Variants in TMEM59 observed in about 807,000 individuals in gnomAD.
TMEM59 encodes transmembrane protein 59.
A neutral mutation model predicts 42.2 loss-of-function variants in TMEM59; 44 were observed. The observed-to-expected ratio is 1.04, with a 90% CI of 0.82 to 1.34. The LOEUF (loss-of-function observed/expected upper bound fraction) is 1.34. TMEM59 is among the 40% of genes most tolerant of loss of function. The pLI is 0.00. For missense variants in TMEM59, 359 were observed against 382.8 expected, an observed-to-expected ratio of 0.94 and a Z score of 0.52; for synonymous variants, 148 against 145.8, an observed-to-expected ratio of 1.02 and a Z score of -0.11.
Position 54,031,613 on chromosome 1 carries a change from T to A in TMEM59, c.*537A>T, listed in dbSNP as rs1297018137. 1 of 152,644 alleles carries A rather than the reference T, an allele frequency of 6.6e-6. No individual in the cohort carries two copies. The highest frequency in any genetic ancestry group is 2.4e-5 in the African/African-American group (1 of 41,428). 9.5% of individuals were successfully genotyped at this position (152,644 alleles called of 1,614,324 possible). On this transcript the variant is annotated 3_prime_UTR_variant, in exon 8 of 8. Transcript: ENST00000234831. ...CACAGAACATTTCATAATTCTTATCTAGGTTGGGCAGGAATAGGAGGGAAG... is the reference window on the plus strand; with the variant it reads ...CACAGAACATTTCATAATTCTTATCAAGGTTGGGCAGGAATAGGAGGGAAG...
At chr1:54,046,914 T>G (rs1445688245) in intron 2 of TMEM59, among the ~76,000 whole-genome samples, 2 of 152,224 alleles carry the variant, frequency 1.3e-5, no homozygotes, top group Non-Finnish European at 2.9e-5. Context: ...AACTTGGAGA[T>G]AAGTCGATGA....
Position 54,028,598 on chromosome 1 carries a change from C to T in TMEM59, c.*3552G>A, listed in dbSNP as rs1271531657. 4 of 152,240 alleles carry T rather than the reference C, an allele frequency of 2.6e-5. No homozygotes were observed. The East Asian group carries it at 7.7e-4, about 29-fold the overall frequency. The allele number at this position is 152,240 out of a possible 1,614,324, so 9.4% of individuals were successfully genotyped here. On this transcript the variant is annotated 3_prime_UTR_variant, in exon 8 of 8. Coordinates refer to ENST00000234831, the MANE Select transcript of TMEM59 (RefSeq NM_004872.5). Reference sequence around the variant, plus strand: ...GTGCCTCACCCTCTGGCCTCTAGGTCTTTGAGCACAGTGTCCCCACTGTCT... The same window carrying T: ...GTGCCTCACCCTCTGGCCTCTAGGTTTTTGAGCACAGTGTCCCCACTGTCT...
rs771810939 is a variant in TMEM59 at position 54,040,737 on chromosome 1, A to G, written c.707+19T>C. On this transcript the variant is annotated intron_variant, in intron 6 of 7. Coordinates refer to ENST00000234831, the MANE Select transcript of TMEM59 (RefSeq NM_004872.5). ...GCCAGATTTTATCTGTTATACACAT[A>G]ATAAAGAGGAATACATACAGAGAGA... The G allele has an allele frequency of 3.8e-6, 6 of 1,583,716 alleles. No individual in the cohort carries two copies. The East Asian group carries it at 9.0e-5, about 24-fold the overall frequency.
At chr1:54,048,804 T>C (rs575178329) in intron 1 of TMEM59, 1 of 245,276 alleles carries the variant, frequency 4.1e-6, no homozygotes, top group Non-Finnish European at 9.1e-6. Context: ...CAAGAAGAGA[T>C]GCCTGCAGTC....
chr1:54,033,390 C>T (rs60113340), intron 7 of TMEM59: 5,680 of 151,838 alleles, frequency 0.037, 288 homozygotes, highest in East Asian at 0.22. Flanking sequence ...CACTTCAGGT[C>T]AGGAGCTCGA....
chr1:54,038,261 A>G (rs1000405568), intron 6 of TMEM59, among the ~76,000 whole-genome samples: 1 of 152,210 alleles, frequency 6.6e-6, no homozygotes, highest in East Asian at 1.9e-4. Flanking sequence ...TGAAAAAAAA[A>G]TTTTAAGTAA....
At chr1:54,049,706 C>G (rs888932576) in intron 1 of TMEM59, among the ~76,000 whole-genome samples, 13 of 152,160 alleles carry the variant, frequency 8.5e-5, no homozygotes, top group Non-Finnish European at 1.8e-4. Context: ...AGGCCAGGCA[C>G]CGTGGCTCAT....
chr1:54,047,851 C>T (rs951431245), intron 1 of TMEM59: 1 of 163,520 alleles, frequency 6.1e-6, no homozygotes, highest in Non-Finnish European at 1.3e-5. Flanking sequence ...CACTTGTTGT[C>T]CTAGTACTCA....
chr1:54,043,539 A>T lies in TMEM59; in HGVS notation c.391-14T>A. Reference sequence around the variant, plus strand: ...CAGGGACATAAGCTAAAAATAAAATAAATAATGAGAAATATATTATTTTTA... The same window carrying T: ...CAGGGACATAAGCTAAAAATAAAATTAATAATGAGAAATATATTATTTTTA... On this transcript the variant is annotated splice_polypyrimidine_tract_variant and intron_variant, in intron 3 of 7. Transcript: ENST00000234831. The T allele has an allele frequency of 1.4e-6, 2 of 1,419,032 alleles. No individual in the cohort carries two copies. Among genetic ancestry groups the T allele is most frequent in the South Asian group, 1.7e-5 (1 of 59,748 alleles). The allele number at this position is 1,419,032 out of a possible 1,614,324, so 87.9% of individuals were successfully genotyped here. A position where few individuals can be genotyped will look rare whatever the true frequency, so the allele number is the denominator to read the frequency against.
chr1:54,047,239 A>T, intron 2 of TMEM59, 28 bp downstream of exon 2: 1 of 1,559,836 alleles, frequency 6.4e-7, no homozygotes. Flanking sequence ...TGTTACATAC[A>T]GCTGATGTCG....
In TMEM59 at chr1:54,044,803, TTATAA is replaced by T. The variant is rs1418476517; in HGVS notation, c.390+884_390+888del. 6 of 151,976 alleles carry T rather than the reference TTATAA, an allele frequency of 3.9e-5. No homozygotes were observed. The East Asian group carries it at 7.7e-4, about 20-fold the overall frequency. 9.4% of individuals were successfully genotyped at this position (151,976 alleles called of 1,614,324 possible). On this transcript the variant is annotated intron_variant, in intron 3 of 7. Coordinates refer to ENST00000234831, the MANE Select transcript of TMEM59 (RefSeq NM_004872.5). Reference sequence around the variant, plus strand: ...CACAAATAAGGGACTGCCTAAAAAATTATAATATATCTACACAGAATATTATGTAG... The same window carrying T: ...CACAAATAAGGGACTGCCTAAAAAATTATATCTACACAGAATATTATGTAG...
intron 1 of TMEM59, 91 bp downstream of exon 1, chr1:54,052,909 A>G: frequency 7.0e-7 from 1 of 1,435,568 alleles, no homozygotes; most frequent in Non-Finnish European, 9.5e-7. Flanking sequence ...GGGCCGATTT[A>G]ACAGCCAGGT....
chr1:54,045,737 A>G lies in TMEM59; in HGVS notation c.345T>C (p.Leu115=). 1 of 1,614,154 alleles carries G rather than the reference A, an allele frequency of 6.2e-7. No homozygotes were observed. The highest frequency in any genetic ancestry group is 8.5e-7 in the Non-Finnish European group (1 of 1,180,014). Residue 115 remains leucine (L), a synonymous_variant, in exon 3 of 8, where the codon CTT becomes CTC. Coordinates refer to ENST00000234831, the MANE Select transcript of TMEM59 (RefSeq NM_004872.5). ...CGAATGGCAGCTGATTCTGGCAACC[A>G]AGATGGCAAGCATATTGCTCATCAG... The part of the protein sequence containing the change: ...SQSDEQYACH[L]GCQNQLPFAE...
intron 7 of TMEM59, among the ~76,000 whole-genome samples, chr1:54,032,510 C>T (rs1409993320): frequency 1.3e-5 from 2 of 152,236 alleles, no homozygotes; most frequent in African/African-American, 4.8e-5. Flanking sequence ...TTCCACGTCT[C>T]AAGTTAAAAT....
intron 1 of TMEM59, among the ~76,000 whole-genome samples, chr1:54,050,204 C>T (rs1657481767): frequency 1.3e-5 from 2 of 151,718 alleles, no homozygotes; most frequent in African/African-American, 2.4e-5. Context: ...TGGCTCACTG[C>T]AACCTCCACC....
chr1:54,043,710 A>T, intron 3 of TMEM59, 185 bp from the exon 4 acceptor site: 1 of 269,470 alleles, frequency 3.7e-6, no homozygotes, highest in Non-Finnish European at 6.3e-6. Flanking sequence ...AAGCTTAAAA[A>T]CCAAGGATAC....
At position 54,050,928 on chromosome 1, in the gene TMEM59, G is replaced by C. The variant is rs573513822; in HGVS notation, c.189+2072C>G. ...GACTGGCGTGCACTGGCGACATTTC[G>C]GCTCACTGCGACCTGCGCCTCCCAG... On this transcript the variant is annotated intron_variant, in intron 1 of 7. Coordinates refer to ENST00000234831, the MANE Select transcript of TMEM59 (RefSeq NM_004872.5). Among the ~76,000 whole-genome samples, 368 of 150,906 alleles carry C rather than the reference G, an allele frequency of 2.4e-3. 13 individuals are homozygous for C. The South Asian group carries it at 0.045, about 19-fold the overall frequency.
chr1:54,039,695 A>G (rs188306670), intron 6 of TMEM59, among the ~76,000 whole-genome samples: 6 of 152,384 alleles, frequency 3.9e-5, no homozygotes, highest in African/African-American at 4.8e-5. Context: ...ACAGTCCACT[A>G]GAATGAACAC....
rs965314348 is a variant in TMEM59 at position 54,029,120 on chromosome 1, G to A, written c.*3030C>T. ...AACAAAGGGTAAATTGTTTGCCTTTGGCTGGAAGATAAGCTCAGACAGTGC... is the reference window on the plus strand; with the variant it reads ...AACAAAGGGTAAATTGTTTGCCTTTAGCTGGAAGATAAGCTCAGACAGTGC... On this transcript the variant is annotated 3_prime_UTR_variant, in exon 8 of 8. Transcript: ENST00000234831. 1 of 152,180 alleles carries A rather than the reference G, an allele frequency of 6.6e-6. No homozygotes were observed. The highest frequency in any genetic ancestry group is 1.5e-5 in the Non-Finnish European group (1 of 68,032). 9.4% of individuals were successfully genotyped at this position (152,180 alleles called of 1,614,324 possible). A position where few individuals can be genotyped will look rare whatever the true frequency, so the allele number is the denominator to read the frequency against.
Sources: allele counts gnomAD v4.1 joint callset (sites outside exome capture counted in the v4.1 genomes callset), GRCh38; gene constraint gnomAD v4.1.1; transcripts MANE v1.5; gene names NCBI Gene and HGNC (gene_info 2026-07-23, HGNC 2026-07-21).